Variants in RTN1 observed in about 807,000 individuals in gnomAD.
RTN1 encodes reticulon-1.
Under a neutral mutation model 65.5 loss-of-function variants are expected in RTN1, and 25 were observed. The observed-to-expected ratio is 0.38, with a 90% CI of 0.28 to 0.53. The LOEUF is 0.53. Among genes scored for constraint, RTN1 ranks in the 20% least tolerant of loss-of-function variants. The pLI is 0.79. For synonymous variants in RTN1, 471 were observed against 447.6 expected (o/e 1.05, Z -0.66); for missense variants, 983 against 1,025.4 (o/e 0.96, Z 0.57).
At chr14:59,863,115 G>A (rs1428377761) in intron 1 of RTN1, among the ~76,000 whole-genome samples, 5 of 151,792 alleles carry the variant, frequency 3.3e-5, no homozygotes, top group African/African-American at 1.2e-4. Context: ...ACAGTTTCAG[G>A]AAATGCCCCC....
intron 1 of RTN1, among the ~76,000 whole-genome samples, chr14:59,854,915 T>C (rs1245207234): frequency 1.3e-5 from 2 of 152,196 alleles, no homozygotes; most frequent in African/African-American, 4.8e-5. Context: ...ATTGTAAGTG[T>C]TATAGAAATG....
At chr14:59,636,792 T>C (rs551586537) in intron 3 of RTN1, among the ~76,000 whole-genome samples, 4 of 152,374 alleles carry the variant, frequency 2.6e-5, no homozygotes, top group Admixed American at 2.0e-4. Flanking sequence ...TATACTGTAG[T>C]CTATTAATTG....
chr14:59,652,964 G>T (rs1373867064), intron 3 of RTN1, among the ~76,000 whole-genome samples: 1 of 151,978 alleles, frequency 6.6e-6, no homozygotes, highest in Non-Finnish European at 1.5e-5. Flanking sequence ...TATAATAGGA[G>T]TTCCAGAAAG....
chr14:59,751,175 A>G (rs962342995), intron 1 of RTN1, among the ~76,000 whole-genome samples: 1 of 141,452 alleles, frequency 7.1e-6, no homozygotes, highest in Admixed American at 7.2e-5. Context: ...CATCTCAGCT[A>G]GGCTTCTCAT....
At position 59,716,849 on chromosome 14, in the gene RTN1, T is replaced by C. The variant is rs532231874; in HGVS notation, c.1765+10070A>G. On this transcript the variant is annotated intron_variant, in intron 3 of 8. Coordinates refer to ENST00000267484, the MANE Select transcript of RTN1 (RefSeq NM_021136.3). ...CAGGCGTGGTGGTGGACGCCTGTAG[T>C]CCCAGCTACTCGGGAGGCTGAGGCA... Among the ~76,000 whole-genome samples, 159 of 151,406 alleles carry C rather than the reference T, an allele frequency of 1.1e-3. 2 individuals carry two copies. Among genetic ancestry groups the C allele is most frequent in the Non-Finnish European group, 1.7e-3 (117 of 67,890 alleles).
chr14:59,864,894 ATTAAAATCAAGATTTTTTTCATC>A (rs1271536641), intron 1 of RTN1, among the ~76,000 whole-genome samples: 1 of 145,056 alleles, frequency 6.9e-6, no homozygotes, highest in Non-Finnish European at 1.5e-5. Context: ...TTGAATAAAC[ATTAAAATCAAGATTTTTTTCATC>A]GCAATGCTAC....
intron 1 of RTN1, among the ~76,000 whole-genome samples, chr14:59,860,850 G>C (rs1327153895): frequency 6.6e-6 from 1 of 152,166 alleles, no homozygotes; most frequent in Non-Finnish European, 1.5e-5. Flanking sequence ...GACATGCATG[G>C]GGACTGTAGC....
At chr14:59,676,580 A>C (rs1368886662) in intron 3 of RTN1, among the ~76,000 whole-genome samples, 1 of 152,208 alleles carries the variant, frequency 6.6e-6, no homozygotes, top group Non-Finnish European at 1.5e-5. Flanking sequence ...ACATGCAAAA[A>C]CATAGTATGT....
chr14:59,683,788 G>A (rs747212180), intron 3 of RTN1, among the ~76,000 whole-genome samples: 20 of 152,066 alleles, frequency 1.3e-4, no homozygotes, highest in Non-Finnish European at 2.9e-4. Context: ...TCAGATAAGA[G>A]TTTTGGGCTT....
At chr14:59,848,360 C>A (rs1887445919) in intron 1 of RTN1, among the ~76,000 whole-genome samples, 1 of 152,206 alleles carries the variant, frequency 6.6e-6, no homozygotes, top group Non-Finnish European at 1.5e-5. Flanking sequence ...AATGCTATAT[C>A]AAGGACATTC....
At chr14:59,768,592 T>C (rs1291265709) in intron 1 of RTN1, among the ~76,000 whole-genome samples, 1 of 152,160 alleles carries the variant, frequency 6.6e-6, no homozygotes, top group Non-Finnish European at 1.5e-5. Flanking sequence ...CACTCCAGTT[T>C]CTACCCTATC....
intron 1 of RTN1, among the ~76,000 whole-genome samples, chr14:59,798,635 T>C (rs571073384): frequency 6.6e-6 from 1 of 152,298 alleles, no homozygotes; most frequent in Admixed American, 6.5e-5. Context: ...CTGACTCTGA[T>C]CTTCCTGCCT....
At chr14:59,719,767 C>A (rs955906337) in intron 3 of RTN1, among the ~76,000 whole-genome samples, 3 of 152,188 alleles carry the variant, frequency 2.0e-5, no homozygotes, top group Non-Finnish European at 2.9e-5. Context: ...ACTAGAGAAT[C>A]TCCTTGACCT....
At chr14:59,615,089 A>C (rs543139484) in intron 3 of RTN1, among the ~76,000 whole-genome samples, 22 of 152,334 alleles carry the variant, frequency 1.4e-4, no homozygotes, top group African/African-American at 5.3e-4. Flanking sequence ...TCTTGTAAAA[A>C]TTCTGTGGGT....
At chr14:59,661,322 A>G (rs1223179757) in intron 3 of RTN1, among the ~76,000 whole-genome samples, 1 of 151,074 alleles carries the variant, frequency 6.6e-6, no homozygotes, top group African/African-American at 2.4e-5. Flanking sequence ...TATTCGAGGT[A>G]TAAAGAGGAG....
chr14:59,865,954 A>T (rs542056965), intron 1 of RTN1, among the ~76,000 whole-genome samples: 28 of 152,310 alleles, frequency 1.8e-4, no homozygotes, highest in Admixed American at 3.9e-4. Context: ...ACAGCTAGAC[A>T]AAAAGACAGA....
At chr14:59,712,436 G>A (rs1309951787) in intron 3 of RTN1, among the ~76,000 whole-genome samples, 1 of 152,154 alleles carries the variant, frequency 6.6e-6, no homozygotes, top group Non-Finnish European at 1.5e-5. Context: ...TGGGTCAGCT[G>A]GCTTTAGGAA....
chr14:59,699,511 C>T (rs928400969), intron 3 of RTN1, among the ~76,000 whole-genome samples: 3 of 152,108 alleles, frequency 2.0e-5, no homozygotes, highest in South Asian at 2.1e-4. Context: ...AAAGACACAG[C>T]TTGTAACAAG....
chr14:59,711,368 G>A (rs1177531103), intron 3 of RTN1, among the ~76,000 whole-genome samples: 1 of 152,134 alleles, frequency 6.6e-6, no homozygotes, highest in African/African-American at 2.4e-5. Flanking sequence ...CTTTCCTGGG[G>A]TGATCACTCC....
Sources: allele counts gnomAD v4.1 joint callset (sites outside exome capture counted in the v4.1 genomes callset), GRCh38; gene constraint gnomAD v4.1.1; transcripts MANE v1.5; gene names NCBI Gene and HGNC (gene_info 2026-07-23, HGNC 2026-07-21).